The following SPAG17 variants were observed in gnomAD, a reference collection of about 807,000 sequenced individuals.
The protein encoded by SPAG17 is sperm-associated antigen 17.
In SPAG17, 169 loss-of-function variants were observed where a neutral mutation model predicts 273.6. The observed-to-expected ratio is 0.62, with a 90% CI of 0.55 to 0.70. SPAG17 has a LOEUF of 0.70. Among genes scored for constraint, SPAG17 ranks in the 30% least tolerant of loss-of-function variants. The probability of loss-of-function intolerance (pLI) is 0.00; values close to 1 mark genes in which losing one functional copy is unlikely to be tolerated. For missense variants in SPAG17, 2,557 were observed against 2,627.8 expected (o/e 0.97, Z 0.59); for synonymous variants, 825 against 873.2 (o/e 0.94, Z 0.97).
intron 1 of SPAG17, among the ~76,000 whole-genome samples, chr1:118,175,239 A>T (rs150472265): frequency 1.7e-3 from 266 of 152,268 alleles, no homozygotes; most frequent in African/African-American, 4.9e-3. Context: ...CATGTTGCCC[A>T]GACTGGTCTT....
chr1:118,173,198 A>G (rs1313673791), intron 1 of SPAG17, among the ~76,000 whole-genome samples: 2 of 152,120 alleles, frequency 1.3e-5, no homozygotes, highest in Non-Finnish European at 2.9e-5. Context: ...AGATCTAACA[A>G]ATGAATGACC....
intron 18 of SPAG17, among the ~76,000 whole-genome samples, chr1:118,058,839 A>G (rs1037148585): frequency 6.6e-6 from 1 of 152,208 alleles, no homozygotes; most frequent in African/African-American, 2.4e-5. Flanking sequence ...ATTAAATACA[A>G]GGTAGAAAGT....
At chr1:117,998,009 T>C (rs752614538) in intron 32 of SPAG17, among the ~76,000 whole-genome samples, 2 of 152,112 alleles carry the variant, frequency 1.3e-5, no homozygotes, top group African/African-American at 2.4e-5. Flanking sequence ...GTTTAGTCAG[T>C]TGATAGTCTG....
intron 25 of SPAG17, among the ~76,000 whole-genome samples, chr1:118,029,679 T>C (rs925306171): frequency 5.9e-5 from 9 of 152,312 alleles, no homozygotes; most frequent in East Asian, 1.9e-4. Context: ...TACTTAAGAA[T>C]GAAATTTACT....
At chr1:118,087,070 C>T in intron 10 of SPAG17, 62 bp from the exon 11 acceptor site, 1 of 1,492,930 alleles carries the variant, frequency 6.7e-7, no homozygotes, top group South Asian at 1.4e-5. Flanking sequence ...ATACTCACTG[C>T]TCATTGCTGC....
rs369554244 is a variant in SPAG17 at position 117,957,091 on chromosome 1, T to C, written c.*1-3042A>G. On this transcript the variant is annotated intron_variant, in intron 48 of 48. Transcript: ENST00000336338. ...AGTGAGCTGGAAGAATCTCTACTTG[T>C]GCTGCCTTTCTCTTATGTCCCAGAC... The C allele has an allele frequency of 5.6e-6, 9 of 1,602,430 alleles. No individual in the cohort carries two copies. The African/African-American group carries it at 9.4e-5, about 17-fold the overall frequency.
chr1:118,031,579 T>C, intron 25 of SPAG17, 113 bp downstream of exon 25: 1 of 1,138,922 alleles, frequency 8.8e-7, no homozygotes, highest in Non-Finnish European at 1.3e-6. Flanking sequence ...TTAATGTATC[T>C]GCACAATAAA....
chr1:118,113,419 AGGCAGTGT>A (rs1337270042), intron 4 of SPAG17, among the ~76,000 whole-genome samples: 15 of 152,126 alleles, frequency 9.9e-5, no homozygotes, highest in African/African-American at 3.6e-4. Flanking sequence ...CTGACCTCTT[AGGCAGTGT>A]GGTTGAAATG....
chr1:118,164,124 T>C (rs767059409), intron 1 of SPAG17, among the ~76,000 whole-genome samples: 2 of 152,236 alleles, frequency 1.3e-5, no homozygotes, highest in African/African-American at 2.4e-5. Flanking sequence ...AATTCTGTTC[T>C]CTTGGCACAT....
chr1:118,023,475 A>G lies in SPAG17; in HGVS notation c.3910-12T>C, dbSNP rs766325448. On this transcript the variant is annotated splice_polypyrimidine_tract_variant and intron_variant, in intron 27 of 48. Transcript: ENST00000336338. ...TCTGCAAAGAGAATCTGAAGAATGA[A>G]CAAAAGTTTTCAGCATTCTCAGAAG... 1.2e-6 allele frequency: 2 copies of G among 1,601,096 alleles called. No homozygotes were observed. The highest frequency in any genetic ancestry group is 1.1e-5 in the South Asian group (1 of 88,678).
At chr1:117,989,845 G>T (rs1656878057) in intron 38 of SPAG17, among the ~76,000 whole-genome samples, 1 of 152,106 alleles carries the variant, frequency 6.6e-6, no homozygotes, top group Non-Finnish European at 1.5e-5. Context: ...CTCCCGAAGT[G>T]CTAGGATTAC....
At position 118,093,148 on chromosome 1, in the gene SPAG17, A is replaced by C; in HGVS notation, c.1173+8T>G. 1.2e-6 allele frequency: 2 copies of C among 1,611,590 alleles called. No individual in the cohort carries two copies. Among genetic ancestry groups the C allele is most frequent in the Non-Finnish European group, 1.7e-6 (2 of 1,178,862 alleles). ...TCATCCCACTAAAGACATTGAGCCC[A>C]TGCCTACCTCTGAAGTTGGCATGGC... On this transcript the variant is annotated splice_region_variant and intron_variant, in intron 8 of 48. Coordinates refer to ENST00000336338, the MANE Select transcript of SPAG17 (RefSeq NM_206996.4).
rs1441857807 is a variant in SPAG17 at position 118,031,761 on chromosome 1, T to C, written c.3540A>G (p.Lys1180=). 5.6e-6 allele frequency: 9 copies of C among 1,613,816 alleles called. No individual in the cohort carries two copies. The highest frequency in any genetic ancestry group is 6.8e-6 in the Non-Finnish European group (8 of 1,179,888). Residue 1180 remains lysine (K), a synonymous_variant, in exon 25 of 49, where the codon AAA becomes AAG. Coordinates refer to ENST00000336338, the MANE Select transcript of SPAG17 (RefSeq NM_206996.4). The part of the protein sequence containing the change: ...VTVPQSKAKG[K]IKGKEKPKES... ...CTTTGGGTTTTTCTTTGCCTTTTAT[T>C]TTCCCTTTAGCTTTGCTTTGAGGAA...
intron 18 of SPAG17, among the ~76,000 whole-genome samples, chr1:118,065,999 C>G (rs1402905693): frequency 6.6e-6 from 1 of 152,050 alleles, no homozygotes; most frequent in African/African-American, 2.4e-5. Context: ...CACAGCTTAA[C>G]TGTTCAAGGT....
intron 32 of SPAG17, among the ~76,000 whole-genome samples, chr1:118,001,187 G>A (rs56048431): frequency 0.033 from 5,020 of 152,210 alleles, 114 homozygotes; most frequent in African/African-American, 0.064. Context: ...TGAACATGGC[G>A]GATAAGGTTT....
At chr1:118,041,776 A>G in intron 21 of SPAG17, 27 bp downstream of exon 21, 1 of 1,595,042 alleles carries the variant, frequency 6.3e-7, no homozygotes, top group East Asian at 2.2e-5. Flanking sequence ...GCCCAAAGAG[A>G]CTAAGTTTTA....
chr1:118,092,032 C>A, intron 8 of SPAG17, 30 bp from the exon 9 acceptor site: 1 of 1,588,922 alleles, frequency 6.3e-7, no homozygotes, highest in Middle Eastern at 1.7e-4. Context: ...AAAGAAACAA[C>A]TGAGATACCC....
intron 24 of SPAG17, among the ~76,000 whole-genome samples, chr1:118,033,463 T>C (rs944266153): frequency 2.0e-5 from 3 of 152,188 alleles, no homozygotes; most frequent in Admixed American, 6.5e-5. Flanking sequence ...TTATGCCTCT[T>C]CTATCTATTC....
chr1:117,965,831 T>C (rs1653763757), intron 47 of SPAG17: 1 of 152,196 alleles, frequency 6.6e-6, no homozygotes, highest in Admixed American at 6.5e-5. Flanking sequence ...ATAACTTGAC[T>C]CCAACCTACT....
Sources: allele counts gnomAD v4.1 joint callset (sites outside exome capture counted in the v4.1 genomes callset), GRCh38; gene constraint gnomAD v4.1.1; transcripts MANE v1.5; gene names NCBI Gene and HGNC (gene_info 2026-07-23, HGNC 2026-07-21).